Variants in CYBRD1 observed in about 807,000 individuals in gnomAD.
CYBRD1 encodes plasma membrane ascorbate-dependent reductase CYBRD1.
A neutral mutation model predicts 21.9 loss-of-function variants in CYBRD1; 14 were observed. The ratio of observed to expected loss-of-function variants is 0.64; its 90% confidence interval spans 0.42 to 1.00. The LOEUF (loss-of-function observed/expected upper bound fraction) is 1.00. CYBRD1 is among the 50% of genes least tolerant of loss of function. The pLI is 0.00. For missense variants in CYBRD1, 328 were observed against 352.5 expected, an observed-to-expected ratio of 0.93 and a Z score of 0.56; for synonymous variants, 146 against 136.5, an observed-to-expected ratio of 1.07 and a Z score of -0.48.
intron 2 of CYBRD1, among the ~76,000 whole-genome samples, chr2:171,545,779 T>G (rs1327652927): frequency 6.6e-6 from 1 of 152,146 alleles, no homozygotes; most frequent in Non-Finnish European, 1.5e-5. Context: ...CAATGGGTAA[T>G]GAACAAATCA....
intron 1 of CYBRD1, among the ~76,000 whole-genome samples, chr2:171,531,988 C>T (rs1697473900): frequency 6.6e-6 from 1 of 152,206 alleles, no homozygotes. Flanking sequence ...ATCTGAATCA[C>T]TTCCTTCATT....
intron 1 of CYBRD1, among the ~76,000 whole-genome samples, chr2:171,526,931 A>C (rs1263417059): frequency 6.6e-6 from 1 of 152,230 alleles, no homozygotes; most frequent in Non-Finnish European, 1.5e-5. Flanking sequence ...TCGTGAGATA[A>C]TATAACTACC....
At chr2:171,540,333 G>C (rs1442656611) in intron 1 of CYBRD1, among the ~76,000 whole-genome samples, 1 of 152,174 alleles carries the variant, frequency 6.6e-6, no homozygotes, top group Admixed American at 6.5e-5. Flanking sequence ...ACTGGGTCTA[G>C]TTCTAGTTGT....
At chr2:171,538,915 A>G (rs1024859937) in intron 1 of CYBRD1, among the ~76,000 whole-genome samples, 1 of 152,084 alleles carries the variant, frequency 6.6e-6, no homozygotes, top group Admixed American at 6.5e-5. Flanking sequence ...CTCCTGCCTC[A>G]GCCTCCCAAG....
At chr2:171,550,927 A>C (rs1472183716) in intron 2 of CYBRD1, 1 of 175,140 alleles carries the variant, frequency 5.7e-6, no homozygotes, top group Non-Finnish European at 1.2e-5. Context: ...TATTTGTGCT[A>C]TATCCCTGAG....
At chr2:171,543,909 T>A (rs978488406) in intron 2 of CYBRD1, among the ~76,000 whole-genome samples, 1 of 152,216 alleles carries the variant, frequency 6.6e-6, no homozygotes. Flanking sequence ...AATATTCATA[T>A]ATACATCTCC....
chr2:171,532,024 C>G (rs1697474287), intron 1 of CYBRD1, among the ~76,000 whole-genome samples: 1 of 152,220 alleles, frequency 6.6e-6, no homozygotes, highest in South Asian at 2.1e-4. Context: ...TTTTCAGTTT[C>G]ATGACATTCG....
intron 1 of CYBRD1, among the ~76,000 whole-genome samples, chr2:171,531,918 C>G (rs891912954): frequency 6.6e-6 from 1 of 152,014 alleles, no homozygotes; most frequent in African/African-American, 2.4e-5. Context: ...CAAGTAGCTG[C>G]CTTTGCGAGG....
chr2:171,541,860 T>TA, intron 2 of CYBRD1, 67 bp downstream of exon 2: 289 of 1,182,948 alleles, frequency 2.4e-4, no homozygotes, highest in Non-Finnish European at 3.1e-4. Flanking sequence ...TGTTTTCTTT[T>TA]CTTTTTTTTT....
intron 1 of CYBRD1, chr2:171,541,056 G>T (rs1034359887): frequency 3.5e-5 from 6 of 171,918 alleles, no homozygotes; most frequent in Non-Finnish European, 5.0e-5. Context: ...GAGCCACTGG[G>T]CCCGGCCAAA....
At chr2:171,548,645 T>TA (rs57266656) in intron 2 of CYBRD1, among the ~76,000 whole-genome samples, 23,214 of 89,814 alleles carry the variant, frequency 0.26, 2,600 homozygotes, top group South Asian at 0.31. Flanking sequence ...ACCTGTACCC[T>TA]AAAAAAAAAA....
In CYBRD1 at chr2:171,556,060, C is replaced by G. The variant is rs1052639613; in HGVS notation, c.*1233C>G. On this transcript the variant is annotated 3_prime_UTR_variant, in exon 4 of 4. Transcript: ENST00000321348. ...GGGGCCACCCATACCTGGAAATAGG[C>G]CATAGGGCCCCTACTACTGCCAACA... The G allele has an allele frequency of 3.9e-5, 6 of 152,224 alleles. No individual in the cohort carries two copies. The highest frequency in any genetic ancestry group is 5.9e-5 in the Non-Finnish European group (4 of 68,044). The allele number at this position is 152,224 out of a possible 1,614,324, so 9.4% of individuals were successfully genotyped here.
rs1337451191 is a variant in CYBRD1 at position 171,554,630 on chromosome 2, C to T, written c.664C>T (p.Pro222Ser). 1 of 1,614,064 alleles carries T rather than the reference C, an allele frequency of 6.2e-7. No individual in the cohort carries two copies. The highest frequency in any genetic ancestry group is 8.5e-7 in the Non-Finnish European group (1 of 1,179,970). The change falls in exon 4 of 4, where the codon CCG becomes TCG. Residue 222 changes from proline to serine, a missense_variant. By Grantham distance (74) the Pro-to-Ser change is moderately conservative. Transcript: ENST00000321348. ...CCTCATTTTTTGGATAGTCACCAGA[C>T]CGCAATGGAAACGTCCTAAGGAGCC... ...GALIFWIVTR[P>S]QWKRPKEPNS...
chr2:171,548,044 T>G (rs1697742474), intron 2 of CYBRD1, among the ~76,000 whole-genome samples: 1 of 152,124 alleles, frequency 6.6e-6, no homozygotes, highest in Non-Finnish European at 1.5e-5. Context: ...TAATGACCAG[T>G]TTGAGTGTCT....
intron 2 of CYBRD1, among the ~76,000 whole-genome samples, chr2:171,551,886 T>C (rs1001768351): frequency 1.5e-4 from 23 of 152,346 alleles, no homozygotes; most frequent in African/African-American, 5.5e-4. Context: ...CTCAAGATTC[T>C]TTTGGATTGT....
rs1391700188 is a variant in CYBRD1, at chr2:171,557,897, G to A, written c.*3070G>A. On this transcript the variant is annotated 3_prime_UTR_variant, in exon 4 of 4. Transcript: ENST00000321348. The stretch of plus-strand genomic sequence containing the variant: ...GTATGTCCTTTTTTAGATAACTCCA[G>A]CAGGAAACTGTAACTGCTATGTCTT... 1.3e-5 allele frequency: 2 copies of A among 152,084 alleles called. No homozygotes were observed. Among genetic ancestry groups the A allele is most frequent in the African/African-American group, 4.8e-5 (2 of 41,420 alleles). 9.4% of individuals were successfully genotyped at this position (152,084 alleles called of 1,614,324 possible).
At chr2:171,553,661 T>C (rs1683428111) in intron 3 of CYBRD1, among the ~76,000 whole-genome samples, 161 bp downstream of exon 3, 1 of 152,170 alleles carries the variant, frequency 6.6e-6, no homozygotes, top group Non-Finnish European at 1.5e-5. Flanking sequence ...ATGATATTAC[T>C]AAAAGTTTAG....
intron 1 of CYBRD1, among the ~76,000 whole-genome samples, chr2:171,526,419 C>T (rs1296876794): frequency 1.3e-5 from 2 of 151,374 alleles, no homozygotes; most frequent in African/African-American, 4.9e-5. Flanking sequence ...CCCTTCCTTT[C>T]CCCCTCTCTC....
Position 171,555,583 on chromosome 2 carries a change from A to C in CYBRD1, c.*756A>C, listed in dbSNP as rs896623759. ...TCTTAGAATGAAAATATGCTTCAAC[A>C]CTTAAGTAGCATACACTGCCCTACA... is the stretch of plus-strand genomic sequence containing the variant. On this transcript the variant is annotated 3_prime_UTR_variant, in exon 4 of 4. Coordinates refer to ENST00000321348, the MANE Select transcript of CYBRD1 (RefSeq NM_024843.4). 3 of 152,302 alleles carry C rather than the reference A, an allele frequency of 2.0e-5. No individual in the cohort carries two copies. Among genetic ancestry groups the C allele is most frequent in the African/African-American group, 7.2e-5 (3 of 41,460 alleles). 9.4% of individuals were successfully genotyped at this position (152,302 alleles called of 1,614,324 possible).
Sources: allele counts gnomAD v4.1 joint callset (sites outside exome capture counted in the v4.1 genomes callset), GRCh38; gene constraint gnomAD v4.1.1; transcripts MANE v1.5; gene names NCBI Gene and HGNC (gene_info 2026-07-23, HGNC 2026-07-21).